The following LATS2 variants were observed in gnomAD, a reference collection of about 807,000 sequenced individuals.
LATS2 encodes serine/threonine-protein kinase LATS2.
A neutral mutation model predicts 76.0 loss-of-function variants in LATS2; 24 were observed. That is an observed-to-expected ratio of 0.32 (90% CI 0.23 to 0.44). The LOEUF is 0.44. Among genes scored for constraint, LATS2 ranks in the 20% least tolerant of loss-of-function variants. The pLI, the probability that LATS2 is intolerant of heterozygous loss-of-function variation, is 1.00. For missense variants in LATS2, 1,286 were observed against 1,481.2 expected (o/e 0.87, Z 2.16); for synonymous variants, 692 against 635.4 (o/e 1.09, Z -1.34).
At chr13:21,001,403 C>T (rs897511767) in intron 2 of LATS2, among the ~76,000 whole-genome samples, 36 of 152,326 alleles carry the variant, frequency 2.4e-4, no homozygotes, top group African/African-American at 7.2e-4. Flanking sequence ...CAGTGTGAAG[C>T]GGAATCTACT....
intron 1 of LATS2, among the ~76,000 whole-genome samples, chr13:21,048,445 G>T (rs1194670914): frequency 6.6e-6 from 1 of 152,144 alleles, no homozygotes; most frequent in Non-Finnish European, 1.5e-5. Context: ...CTGACAATAC[G>T]CAGAGAGTTT....
chr13:20,973,691 C>CA lies in LATS2; in HGVS notation c.*1178dup, dbSNP rs540713023. 7.2e-3 allele frequency: 1,646 copies of CA among 227,264 alleles called. 27 individuals carry two copies. The highest frequency in any genetic ancestry group is 0.032 in the African/African-American group (1,446 of 44,800). The allele number at this position is 227,264 out of a possible 1,614,324, so 14.1% of individuals were successfully genotyped here. On this transcript the variant is annotated 3_prime_UTR_variant, in exon 8 of 8. Transcript: ENST00000382592. ...GATACTTCAAAGTACACTAAAAGAA[C>CA]AAAAAAAAAGTGAGAGAACCATTAG...
chr13:21,037,653 G>A (rs1252368998), intron 2 of LATS2, among the ~76,000 whole-genome samples: 2 of 152,148 alleles, frequency 1.3e-5, no homozygotes, highest in African/African-American at 2.4e-5. Flanking sequence ...ATGGTGTCAC[G>A]GGAGAGAACG....
Position 21,047,670 on chromosome 13 carries a change from G to A in LATS2, c.-204-1440C>T, listed in dbSNP as rs186549375. ...GTAAGGAACTTTATAACTGTAAACCGCGACCCTGCTTCACAGACTTTTTCA... is the reference window on the plus strand; with the variant it reads ...GTAAGGAACTTTATAACTGTAAACCACGACCCTGCTTCACAGACTTTTTCA... On this transcript the variant is annotated intron_variant, in intron 1 of 7. Transcript: ENST00000382592. 3.3e-3 allele frequency among the ~76,000 whole-genome samples: 500 copies of A among 151,360 alleles called. 1 individual carries two copies. The highest frequency in any genetic ancestry group is 6.0e-3 in the Non-Finnish European group (407 of 67,910).
At chr13:20,980,881 T>C (rs796146007) in intron 6 of LATS2, among the ~76,000 whole-genome samples, 8 of 152,308 alleles carry the variant, frequency 5.3e-5, no homozygotes, top group African/African-American at 1.9e-4. Flanking sequence ...GCAGGATCAC[T>C]GAAGGATTCC....
intron 2 of LATS2, among the ~76,000 whole-genome samples, chr13:20,998,886 G>C (rs1450616910): frequency 6.6e-6 from 1 of 152,156 alleles, no homozygotes; most frequent in Non-Finnish European, 1.5e-5. Context: ...TGCACGCGGG[G>C]CGGGGGCCCT....
At chr13:21,025,746 G>A (rs1328176679) in intron 2 of LATS2, among the ~76,000 whole-genome samples, 1 of 152,176 alleles carries the variant, frequency 6.6e-6, no homozygotes, top group Non-Finnish European at 1.5e-5. Flanking sequence ...ACATGGTGAG[G>A]TCTCCTGTCC....
rs71200328 is a variant in LATS2, at chr13:21,050,147, G to GATAGATAGATAGATAGATACATAC, written c.-204-3918_-204-3917insGTATGTATCTATCTATCTATCTAT. Among the ~76,000 whole-genome samples, 63 of 53,844 alleles carry GATAGATAGATAGATAGATACATAC rather than the reference G, an allele frequency of 1.2e-3. 1 individual carries two copies. Among genetic ancestry groups the GATAGATAGATAGATAGATACATAC allele is most frequent in the African/African-American group, 2.7e-3 (58 of 21,118 alleles). The allele number at this position is 53,844 out of a possible 152,430, so 35.3% of individuals were successfully genotyped here. A position where few individuals can be genotyped will look rare whatever the true frequency, so the allele number is the denominator to read the frequency against. On this transcript the variant is annotated intron_variant, in intron 1 of 7. Coordinates refer to ENST00000382592, the MANE Select transcript of LATS2 (RefSeq NM_014572.3). ...AGACAGATAGATAGATAGATAGATA[G>GATAGATAGATAGATAGATACATAC]ATACATACATACATACATACATACA... is the stretch of plus-strand genomic sequence containing the variant.
chr13:21,037,498 A>G (rs1872721577), intron 2 of LATS2, among the ~76,000 whole-genome samples: 1 of 152,186 alleles, frequency 6.6e-6, no homozygotes, highest in African/African-American at 2.4e-5. Context: ...CTTCTCTGTT[A>G]GGTGTTTTTG....
intron 2 of LATS2, among the ~76,000 whole-genome samples, chr13:21,010,347 G>A (rs1565953526): frequency 6.6e-6 from 1 of 151,680 alleles, no homozygotes; most frequent in Non-Finnish European, 1.5e-5. Context: ...GATCTCTTCT[G>A]GTAAAACCGA....
In LATS2 at chr13:21,001,310, A is replaced by T. The variant is rs564901443; in HGVS notation, c.343-9906T>A. ...TGGTTTCAGGGGTCCTGGATCCTAT[A>T]TTTCTATTCATGTGTAACAGTGCTA... On this transcript the variant is annotated intron_variant, in intron 2 of 7. Transcript: ENST00000382592. Among the ~76,000 whole-genome samples, 12 of 152,300 alleles carry T rather than the reference A, an allele frequency of 7.9e-5. No individual in the cohort carries two copies. In the East Asian group the frequency reaches 9.6e-4, roughly 12 times the overall value.
Position 20,989,121 on chromosome 13 carries a change from C to G in LATS2, c.659G>C (p.Gly220Ala). 1 of 1,606,668 alleles carries G rather than the reference C, an allele frequency of 6.2e-7. No homozygotes were observed. Among genetic ancestry groups the G allele is most frequent in the Non-Finnish European group, 8.5e-7 (1 of 1,177,410 alleles). ...GTGCTGGTGGCCGGGCCCGTGGGGG[C>G]CGACTCCGGGGAAAAGGTAGTCCAC... ...PYVDYLFPGV[G>A]PHGPGHQHQH... The change falls in exon 4 of 8, where the codon GGC becomes GCC. Residue 220 changes from glycine to alanine, a missense_variant. Gly to Ala is a moderately conservative substitution (Grantham distance 60). Transcript: ENST00000382592.
In LATS2 at chr13:21,061,464, G is replaced by C. The variant is rs1412520613; in HGVS notation, c.-323C>G. ...CTGCTGGCCCCGCAGGGACGGGGGAGCCCCGGGCGGCGGCGGTGGCGTGGA... is the reference window on the plus strand; with the variant it reads ...CTGCTGGCCCCGCAGGGACGGGGGACCCCCGGGCGGCGGCGGTGGCGTGGA... On this transcript the variant is annotated 5_prime_UTR_variant, in exon 1 of 8. Coordinates refer to ENST00000382592, the MANE Select transcript of LATS2 (RefSeq NM_014572.3). 6.5e-6 allele frequency: 1 copy of C among 153,332 alleles called. No homozygotes were observed. Among genetic ancestry groups the C allele is most frequent in the Non-Finnish European group, 1.5e-5 (1 of 68,748 alleles). The allele number at this position is 153,332 out of a possible 1,614,324, so 9.5% of individuals were successfully genotyped here. A position where few individuals can be genotyped will look rare whatever the true frequency, so the allele number is the denominator to read the frequency against.
At chr13:21,019,224 T>C (rs1234773036) in intron 2 of LATS2, among the ~76,000 whole-genome samples, 1 of 152,154 alleles carries the variant, frequency 6.6e-6, no homozygotes, top group Non-Finnish European at 1.5e-5. Flanking sequence ...TATTATATAG[T>C]CACAACATAC....
intron 2 of LATS2, among the ~76,000 whole-genome samples, chr13:21,019,493 A>ATTTTTTTTTTTTTTT (rs67762203): frequency 7.5e-6 from 1 of 132,640 alleles, no homozygotes; most frequent in Non-Finnish European, 1.6e-5. Flanking sequence ...CGCCCAGCTA[A>ATTTTTTTTTTTTTTT]TTTTTTTTTT....
chr13:21,010,926 T>C (rs1871568109), intron 2 of LATS2, among the ~76,000 whole-genome samples: 1 of 152,254 alleles, frequency 6.6e-6, no homozygotes, highest in African/African-American at 2.4e-5. Context: ...GGACAGAAAC[T>C]TTATAAAACA....
chr13:21,021,481 A>AG, intron 2 of LATS2, among the ~76,000 whole-genome samples: 1 of 108,610 alleles, frequency 9.2e-6, no homozygotes, highest in Non-Finnish European at 1.7e-5. Flanking sequence ...TCTCAAAAAA[A>AG]AAAAAAAAAA....
chr13:21,000,401 T>TAAA (rs1422065139), intron 2 of LATS2, among the ~76,000 whole-genome samples: 3 of 151,804 alleles, frequency 2.0e-5, no homozygotes, highest in Non-Finnish European at 4.4e-5. Flanking sequence ...ATAATAATAA[T>TAAA]AAAGATAAAT....
chr13:20,998,605 C>T (rs1870871042), intron 2 of LATS2, among the ~76,000 whole-genome samples: 1 of 152,242 alleles, frequency 6.6e-6, no homozygotes, highest in African/African-American at 2.4e-5. Context: ...AACCCCACCC[C>T]CACGGAAAGG....
Sources: allele counts gnomAD v4.1 joint callset (sites outside exome capture counted in the v4.1 genomes callset), GRCh38; gene constraint gnomAD v4.1.1; transcripts MANE v1.5; gene names NCBI Gene and HGNC (gene_info 2026-07-23, HGNC 2026-07-21).